The following RHOU variants were observed in gnomAD, a reference collection of about 807,000 sequenced individuals.
RHOU encodes rho-related GTP-binding protein RhoU.
RHOU carries 8 observed loss-of-function variants against 12.6 expected under a neutral mutation model. The ratio of observed to expected loss-of-function variants is 0.64; its 90% CI spans 0.37 to 1.15. The LOEUF (loss-of-function observed/expected upper bound fraction) is 1.15, where lower values mean the gene tolerates loss of function less well. Ranked by LOEUF, RHOU falls within the 50% of genes most tolerant of loss-of-function variation. RHOU has a pLI of 0.01. For synonymous variants in RHOU, 161 were observed against 147.4 expected, an observed-to-expected ratio of 1.09 and a Z score of -0.67; for missense variants, 258 against 347.0, an observed-to-expected ratio of 0.74 and a Z score of 2.04.
the RHOU span, among the ~76,000 whole-genome samples, chr1:228,684,200 C>G: frequency 6.6e-6 from 1 of 152,056 alleles, no homozygotes; most frequent in Non-Finnish European, 1.5e-5. Context: ...CCATGATGGT[C>G]TAATTTTTGT....
rs1238490810 is a variant in RHOU, at chr1:228,737,354, G to T, written c.263-319G>T. Among the ~76,000 whole-genome samples, 2 of 152,146 alleles carry T rather than the reference G, an allele frequency of 1.3e-5. No individual in the cohort carries two copies. Among genetic ancestry groups the T allele is most frequent in the African/African-American group, 4.8e-5 (2 of 41,434 alleles). On this transcript the variant is annotated intron_variant, in intron 1 of 2. Coordinates refer to ENST00000366691, the MANE Select transcript of RHOU (RefSeq NM_021205.6). The surrounding 1 kb of genome is among the most constrained non-coding windows in gnomAD (Gnocchi z 4.1). ...CATTTACCCCCAGTGTTGTTTTTAG[G>T]TCCTTTGAAACAAGTGTGACAGGAA... is the stretch of plus-strand genomic sequence containing the variant.
the RHOU span, among the ~76,000 whole-genome samples, chr1:228,692,565 T>G: frequency 7.2e-6 from 1 of 139,748 alleles, no homozygotes; most frequent in East Asian, 2.0e-4. Context: ...TTTTCTGTTT[T>G]TTGTTTGTTT....
At chr1:228,696,853 A>G in the RHOU span, among the ~76,000 whole-genome samples, 3 of 152,188 alleles carry the variant, frequency 2.0e-5, no homozygotes, top group Admixed American at 1.3e-4. Flanking sequence ...GGTCATGGGT[A>G]TATCTTTGAT....
the RHOU span, among the ~76,000 whole-genome samples, chr1:228,659,534 TA>T: frequency 5.5e-5 from 8 of 145,730 alleles, no homozygotes; most frequent in East Asian, 4.0e-4. Flanking sequence ...AACAGAGCAT[TA>T]AAAAAAAAGG....
At chr1:228,664,474 T>G in the RHOU span, among the ~76,000 whole-genome samples, 9 of 152,090 alleles carry the variant, frequency 5.9e-5, no homozygotes, top group Non-Finnish European at 1.2e-4. Context: ...AAAATAATCT[T>G]TATGAAGAAT....
At chr1:228,650,665 C>G in the RHOU span, 423 of 482,930 alleles carry the variant, frequency 8.8e-4, 2 homozygotes, top group African/African-American at 8.1e-3. Context: ...ACTCGTTTCA[C>G]TCGTTTCAAA....
At chr1:228,733,610 T>C (rs919734489), upstream of RHOU, among the ~76,000 whole-genome samples, 3 of 152,180 alleles carry the variant, frequency 2.0e-5, no homozygotes, top group African/African-American at 7.2e-5. Context: ...CCAGCCGATA[T>C]TAGGTGCTTT....
At chr1:228,692,419 C>G in the RHOU span, among the ~76,000 whole-genome samples, 1 of 152,042 alleles carries the variant, frequency 6.6e-6, no homozygotes, top group South Asian at 2.1e-4. Flanking sequence ...ACTGTATTGC[C>G]ATTAAAAGAT....
chr1:228,700,607 A>T, the RHOU span, among the ~76,000 whole-genome samples: 2 of 152,222 alleles, frequency 1.3e-5, no homozygotes, highest in Non-Finnish European at 1.5e-5. Context: ...AATTGACAAG[A>T]AAATTTAGTT....
the RHOU span, among the ~76,000 whole-genome samples, chr1:228,722,037 G>C: frequency 6.6e-6 from 1 of 152,170 alleles, no homozygotes; most frequent in Non-Finnish European, 1.5e-5. Flanking sequence ...TGGCAAATAG[G>C]CAGAGCCTGG....
the RHOU span, among the ~76,000 whole-genome samples, chr1:228,657,279 C>CAAAAAAAAA: frequency 7.1e-5 from 2 of 28,030 alleles, no homozygotes; most frequent in Admixed American, 6.2e-4. Context: ...AACTCCATCT[C>CAAAAAAAAA]AAAAAAAAAA....
At chr1:228,690,135 T>G in the RHOU span, among the ~76,000 whole-genome samples, 1 of 152,070 alleles carries the variant, frequency 6.6e-6, no homozygotes, top group South Asian at 2.1e-4. Flanking sequence ...GTAATTTTCT[T>G]TGATCAGACT....
chr1:228,713,012 T>A, the RHOU span, among the ~76,000 whole-genome samples: 59 of 152,060 alleles, frequency 3.9e-4, no homozygotes, highest in African/African-American at 1.3e-3. Flanking sequence ...CTTTTTTTTT[T>A]AACCAGGAAT....
chr1:228,713,714 G>A, the RHOU span, among the ~76,000 whole-genome samples: 12 of 152,124 alleles, frequency 7.9e-5, no homozygotes, highest in Non-Finnish European at 1.5e-4. Flanking sequence ...CCCAAGGAGA[G>A]GTCATACGAT....
At chr1:228,716,223 T>C in the RHOU span, among the ~76,000 whole-genome samples, 3 of 152,168 alleles carry the variant, frequency 2.0e-5, no homozygotes, top group African/African-American at 7.2e-5. Context: ...AGGTGGACAT[T>C]GTTTTAAAAA....
chr1:228,656,564 TA>T, the RHOU span, among the ~76,000 whole-genome samples: 26 of 151,140 alleles, frequency 1.7e-4, no homozygotes, highest in African/African-American at 3.9e-4. Flanking sequence ...GATGGAGCTT[TA>T]AAAAAAAAGA....
chr1:228,652,313 C>T, the RHOU span: 1 of 152,218 alleles, frequency 6.6e-6, no homozygotes, highest in Non-Finnish European at 1.5e-5. Flanking sequence ...AAGCCACTGA[C>T]TTCTGGAATT....
the RHOU span, among the ~76,000 whole-genome samples, chr1:228,690,874 C>T: frequency 4.9e-4 from 75 of 152,252 alleles, no homozygotes; most frequent in Middle Eastern, 3.4e-3. Context: ...CCTCGGCCTC[C>T]CAAAGTGCTG....
chr1:228,681,879 G>A, the RHOU span, among the ~76,000 whole-genome samples: 1 of 152,064 alleles, frequency 6.6e-6, no homozygotes, highest in African/African-American at 2.4e-5. Flanking sequence ...GAGCAGTCCT[G>A]GGCTGCAATG....
Sources: gnomAD v4.1 joint callset for allele counts (sites outside exome capture counted in the v4.1 genomes callset) on GRCh38, gnomAD v4.1.1 for gene constraint, Gnocchi (gnomAD v3.1) non-coding constraint, MANE v1.5 for transcripts, NCBI Gene and HGNC (gene_info 2026-07-23, HGNC 2026-07-21) for gene names.